Variants in GFRA1 observed in about 807,000 individuals in gnomAD.
GFRA1 encodes GDNF family receptor alpha 1, also known as GDNF family receptor alpha-1.
Under a neutral mutation model 51.6 loss-of-function variants are expected in GFRA1, and 16 were observed. The ratio of observed to expected loss-of-function variants is 0.31; its 90% CI spans 0.21 to 0.47. The LOEUF is 0.47. Ranked by LOEUF, GFRA1 falls within the 20% of genes least tolerant of loss-of-function variation. GFRA1 has a pLI of 1.00. For missense variants in GFRA1, 530 were observed against 594.3 expected (o/e 0.89, Z 1.13); for synonymous variants, 270 against 241.3 (o/e 1.12, Z -1.10).
chr10:116,125,495 TGTC>T lies in GFRA1; in HGVS notation c.493_495del (p.Asp165del). 1 of 1,614,184 alleles carries T rather than the reference TGTC, an allele frequency of 6.2e-7. No homozygotes were observed. The stretch of plus-strand genomic sequence containing the variant: ...TACGCCGACCTGTACTTCTTGCAAA[TGTC>T]GTCGAGGTTGCAGGCCTTCGCTGCA... On this transcript the variant is annotated inframe_deletion, in exon 6 of 11. Transcript: ENST00000355422.
chr10:116,148,174 G>C (rs1034533695), intron 5 of GFRA1, among the ~76,000 whole-genome samples: 1 of 151,708 alleles, frequency 6.6e-6, no homozygotes, highest in Non-Finnish European at 1.5e-5. Context: ...TTGTCTTCCG[G>C]TTTCACCTTA....
chr10:116,212,481 T>G (rs1474993583), intron 4 of GFRA1, among the ~76,000 whole-genome samples: 1 of 150,466 alleles, frequency 6.6e-6, no homozygotes, highest in East Asian at 2.0e-4. Flanking sequence ...GATCGCTCCA[T>G]TGCACTCCAG....
intron 4 of GFRA1, chr10:116,255,512 A>C: frequency 9.7e-7 from 1 of 1,030,762 alleles, no homozygotes; most frequent in Non-Finnish European, 1.2e-6. Flanking sequence ...AAAAACAAAA[A>C]AAAAAACACT....
chr10:116,162,631 C>T (rs766826414), intron 5 of GFRA1, among the ~76,000 whole-genome samples: 9 of 152,252 alleles, frequency 5.9e-5, no homozygotes, highest in East Asian at 1.9e-4. Context: ...GAGCTCACAG[C>T]GAAAAATCCG....
intron 5 of GFRA1, among the ~76,000 whole-genome samples, chr10:116,154,911 G>A (rs1455356874): frequency 6.6e-6 from 1 of 152,138 alleles, no homozygotes; most frequent in African/African-American, 2.4e-5. Flanking sequence ...CAGTGGAGAT[G>A]ATTCCATGCA....
intron 5 of GFRA1, among the ~76,000 whole-genome samples, chr10:116,167,496 G>C (rs1218865770): frequency 6.6e-6 from 1 of 152,090 alleles, no homozygotes; most frequent in East Asian, 1.9e-4. Flanking sequence ...AATCCCTGTG[G>C]ATTGGGCCCA....
At chr10:116,105,600 G>A (rs866222050) in intron 6 of GFRA1, among the ~76,000 whole-genome samples, 6 of 152,108 alleles carry the variant, frequency 3.9e-5, no homozygotes, top group African/African-American at 1.2e-4. Context: ...TGATGTGGCA[G>A]AATATAAAAA....
intron 4 of GFRA1, among the ~76,000 whole-genome samples, chr10:116,212,443 C>G (rs142729865): frequency 2.6e-5 from 4 of 151,318 alleles, no homozygotes; most frequent in Non-Finnish European, 5.9e-5. Context: ...TCACTTGAAC[C>G]CAGGAGGAGG....
chr10:116,196,732 TA>T (rs1963890892), intron 5 of GFRA1, among the ~76,000 whole-genome samples: 1 of 103,992 alleles, frequency 9.6e-6, no homozygotes, highest in South Asian at 2.8e-4. Context: ...ATATAATATA[TA>T]ATACTATATA....
chr10:116,135,797 C>T (rs1958298864), intron 5 of GFRA1, among the ~76,000 whole-genome samples: 1 of 152,094 alleles, frequency 6.6e-6, no homozygotes, highest in East Asian at 1.9e-4. Context: ...TATTTTTCAG[C>T]AAAATCATAA....
At chr10:116,271,243 C>T (rs1277000769) in intron 2 of GFRA1, 128 bp from the exon 3 acceptor site, 2 of 687,928 alleles carry the variant, frequency 2.9e-6, no homozygotes, top group Non-Finnish European at 4.8e-6. Flanking sequence ...GCTCTGGGAG[C>T]GGGTCCACCT....
At chr10:116,232,361 C>T (rs952646240) in intron 4 of GFRA1, among the ~76,000 whole-genome samples, 2 of 152,122 alleles carry the variant, frequency 1.3e-5, no homozygotes, top group Non-Finnish European at 2.9e-5. Flanking sequence ...TTTAGTGCCT[C>T]GACTTCCCTT....
intron 4 of GFRA1, among the ~76,000 whole-genome samples, chr10:116,261,042 C>T (rs1969261721): frequency 6.6e-6 from 1 of 152,174 alleles, no homozygotes; most frequent in Admixed American, 6.5e-5. Flanking sequence ...TATTAATTAA[C>T]CCTTGTTCCA....
rs866966221 is a variant in GFRA1, at chr10:116,125,145, G to A, written c.770+76C>T. 9 of 1,272,580 alleles carry A rather than the reference G, an allele frequency of 7.1e-6. 1 individual carries two copies. The Middle Eastern group carries it at 1.8e-3, about 251-fold the overall frequency. The allele number at this position is 1,272,580 out of a possible 1,614,324, so 78.8% of individuals were successfully genotyped here. A position where few individuals can be genotyped will look rare whatever the true frequency, so the allele number is the denominator to read the frequency against. On this transcript the variant is annotated intron_variant, in intron 6 of 10. Transcript: ENST00000355422. ...CTACCTTGGTAGAAGCACAGAAAAGGGAGCTTGGCAGCCGAAGCAGCCGCC... is the reference window on the plus strand; with the variant it reads ...CTACCTTGGTAGAAGCACAGAAAAGAGAGCTTGGCAGCCGAAGCAGCCGCC...
At chr10:116,115,539 T>A (rs1336926446) in intron 6 of GFRA1, among the ~76,000 whole-genome samples, 1 of 152,024 alleles carries the variant, frequency 6.6e-6, no homozygotes, top group Non-Finnish European at 1.5e-5. Flanking sequence ...CACTGAATGC[T>A]AATTAAACAC....
intron 2 of GFRA1, 112 bp from the exon 3 acceptor site, chr10:116,271,227 C>G (rs1016900317): frequency 2.4e-5 from 20 of 840,872 alleles, no homozygotes; most frequent in Non-Finnish European, 3.6e-5. Flanking sequence ...CCTTCGGGGG[C>G]GCCCTGCTCT....
intron 5 of GFRA1, among the ~76,000 whole-genome samples, chr10:116,176,671 T>A (rs1333611497): frequency 6.6e-6 from 1 of 152,134 alleles, no homozygotes; most frequent in Non-Finnish European, 1.5e-5. Flanking sequence ...CATATTTCTT[T>A]ATAGCAACAC....
intron 4 of GFRA1, among the ~76,000 whole-genome samples, chr10:116,237,574 C>CAAAAAAAAAAAAAAAAAAAAAAAAAAAAA (rs5788145): frequency 8.9e-6 from 1 of 112,592 alleles, no homozygotes; most frequent in Non-Finnish European, 1.9e-5. Context: ...AAACTAAAGG[C>CAAAAAAAAAAAAAAAAAAAAAAAAAAAAA]AAAAAAAAAA....
chr10:116,241,046 T>C (rs932503823), intron 4 of GFRA1, among the ~76,000 whole-genome samples: 2 of 152,156 alleles, frequency 1.3e-5, no homozygotes, highest in Non-Finnish European at 2.9e-5. Context: ...AAGTGCATAA[T>C]AGATGAATCT....
Sources: allele counts gnomAD v4.1 joint callset (sites outside exome capture counted in the v4.1 genomes callset), GRCh38; gene constraint gnomAD v4.1.1; transcripts MANE v1.5; gene names NCBI Gene and HGNC (gene_info 2026-07-23, HGNC 2026-07-21).